Variants in ADCK1 observed in about 807,000 individuals in gnomAD.
The protein encoded by ADCK1 is aarF domain-containing protein kinase 1.
Under a neutral mutation model 52.3 loss-of-function variants are expected in ADCK1, and 41 were observed. That is an observed-to-expected ratio of 0.78 (90% CI 0.61 to 1.02). The LOEUF (loss-of-function observed/expected upper bound fraction) is 1.02, where lower values mean the gene tolerates loss of function less well. Ranked by LOEUF, ADCK1 falls within the 50% of genes least tolerant of loss-of-function variation. The pLI, the probability that ADCK1 is intolerant of heterozygous loss-of-function variation, is 0.00. For synonymous variants in ADCK1, 250 were observed against 274.6 expected (o/e 0.91, Z 0.89); for missense variants, 658 against 679.5 (o/e 0.97, Z 0.35).
At chr14:77,929,499 C>T (rs1038106541) in intron 9 of ADCK1, among the ~76,000 whole-genome samples, 2 of 152,208 alleles carry the variant, frequency 1.3e-5, no homozygotes, top group Non-Finnish European at 2.9e-5. Flanking sequence ...ACAGCTTCCT[C>T]TTGCCTCATT....
intron 8 of ADCK1, 103 bp downstream of exon 8, chr14:77,924,709 G>A (rs561322145): frequency 1.4e-6 from 2 of 1,459,006 alleles, no homozygotes; most frequent in African/African-American, 1.4e-5. Context: ...GAGGGTAGCT[G>A]GAAAGGACCC....
At chr14:77,846,460 G>C (rs1044139314) in intron 3 of ADCK1, among the ~76,000 whole-genome samples, 1 of 152,172 alleles carries the variant, frequency 6.6e-6, no homozygotes, top group Non-Finnish European at 1.5e-5. Context: ...GCCAGGCCTG[G>C]TGTGATGGGG....
rs569041671 is a variant in ADCK1, at chr14:77,805,324, C to T, written c.-12+5154C>T. Among the ~76,000 whole-genome samples, 5 of 125,678 alleles carry T rather than the reference C, an allele frequency of 4.0e-5. No individual in the cohort carries two copies. The East Asian group carries it at 7.5e-4, about 19-fold the overall frequency. The allele number at this position is 125,678 out of a possible 152,430, so 82.4% of individuals were successfully genotyped here. On this transcript the variant is annotated intron_variant, in intron 1 of 10. Transcript: ENST00000238561. ...TTGCCCAGGCTGGAGTGTAGTGGCACGATCTTGGCTCACCGCAACCTCCGC... is the reference window on the plus strand; with the variant it reads ...TTGCCCAGGCTGGAGTGTAGTGGCATGATCTTGGCTCACCGCAACCTCCGC...
chr14:77,887,044 G>C, intron 4 of ADCK1, 47 bp from the exon 5 acceptor site: 1 of 1,500,882 alleles, frequency 6.7e-7, no homozygotes, highest in South Asian at 1.4e-5. Flanking sequence ...CCCTCTCACT[G>C]AACTGGGTCA....
intron 5 of ADCK1, among the ~76,000 whole-genome samples, chr14:77,898,720 T>C (rs8018963): frequency 0.57 from 86,745 of 151,958 alleles, 24,892 homozygotes; most frequent in Admixed American, 0.62. Context: ...GATGGGTTGA[T>C]AGGTGCAGTA....
chr14:77,921,958 C>T (rs2140288505), intron 7 of ADCK1, among the ~76,000 whole-genome samples: 1 of 152,340 alleles, frequency 6.6e-6, no homozygotes, highest in East Asian at 1.9e-4. Flanking sequence ...AATGTCATTT[C>T]TCTCATTTTT....
intron 3 of ADCK1, among the ~76,000 whole-genome samples, chr14:77,844,530 C>T (rs2082137783): frequency 6.6e-6 from 1 of 152,118 alleles, no homozygotes; most frequent in African/African-American, 2.4e-5. Context: ...TGTTGGACTC[C>T]CTTAGAGAGG....
intron 1 of ADCK1, among the ~76,000 whole-genome samples, chr14:77,816,152 A>T (rs766443442): frequency 1.6e-4 from 24 of 152,094 alleles, no homozygotes; most frequent in Non-Finnish European, 3.1e-4. Flanking sequence ...ATATTTTTTC[A>T]GGTGTTCCTC....
intron 5 of ADCK1, among the ~76,000 whole-genome samples, chr14:77,895,710 G>A (rs2083393903): frequency 6.6e-6 from 1 of 152,194 alleles, no homozygotes; most frequent in East Asian, 1.9e-4. Context: ...CTTCAGCCAA[G>A]AAAAGTCTAA....
intron 3 of ADCK1, among the ~76,000 whole-genome samples, chr14:77,852,306 A>G (rs1002572769): frequency 6.6e-6 from 1 of 151,972 alleles, no homozygotes; most frequent in Non-Finnish European, 1.5e-5. Context: ...CAGTTCTTTA[A>G]CATCTCTTGT....
intron 3 of ADCK1, among the ~76,000 whole-genome samples, chr14:77,837,583 G>A (rs1258354596): frequency 6.6e-6 from 1 of 152,226 alleles, no homozygotes; most frequent in African/African-American, 2.4e-5. Flanking sequence ...AATGCCAAAT[G>A]GTGCAGCTCC....
chr14:77,844,877 C>G (rs759104137), intron 3 of ADCK1, among the ~76,000 whole-genome samples: 1 of 152,228 alleles, frequency 6.6e-6, no homozygotes, highest in African/African-American at 2.4e-5. Flanking sequence ...TAGTGGTTGT[C>G]TGAGTGCAGG....
At chr14:77,808,807 C>A (rs1393545220) in intron 1 of ADCK1, among the ~76,000 whole-genome samples, 1 of 152,158 alleles carries the variant, frequency 6.6e-6, no homozygotes, top group South Asian at 2.1e-4. Context: ...AACTCCTGAC[C>A]TCAGGTGATC....
intron 10 of ADCK1, among the ~76,000 whole-genome samples, chr14:77,932,196 C>T (rs1460553778): frequency 1.3e-5 from 2 of 152,070 alleles, no homozygotes; most frequent in Non-Finnish European, 2.9e-5. Context: ...TTACAGGCAC[C>T]CACCACCATA....
At chr14:77,911,176 A>C (rs2083782667) in intron 7 of ADCK1, among the ~76,000 whole-genome samples, 1 of 152,202 alleles carries the variant, frequency 6.6e-6, no homozygotes, top group Non-Finnish European at 1.5e-5. Flanking sequence ...ACAGATGAGA[A>C]AGCAAATGCT....
chr14:77,861,438 C>T (rs1594958065), intron 4 of ADCK1, among the ~76,000 whole-genome samples: 1 of 151,804 alleles, frequency 6.6e-6, no homozygotes, highest in Admixed American at 6.6e-5. Flanking sequence ...TAATGTCACT[C>T]ACTTGGCATT....
chr14:77,855,114 C>G (rs1224380753), intron 3 of ADCK1, among the ~76,000 whole-genome samples: 3 of 152,258 alleles, frequency 2.0e-5, no homozygotes, highest in African/African-American at 7.2e-5. Context: ...GCCTTTGACT[C>G]TGGTGCTTCT....
intron 4 of ADCK1, among the ~76,000 whole-genome samples, chr14:77,861,425 G>T (rs1318034171): frequency 6.6e-6 from 1 of 151,996 alleles, no homozygotes; most frequent in African/African-American, 2.4e-5. Flanking sequence ...TGTGAGGGCG[G>T]GGTAATGTCA....
At chr14:77,913,458 A>G (rs1437991039) in intron 7 of ADCK1, among the ~76,000 whole-genome samples, 1 of 152,176 alleles carries the variant, frequency 6.6e-6, no homozygotes, top group African/African-American at 2.4e-5. Context: ...GATATTACCA[A>G]GGGCCTGACC....
Sources: gnomAD v4.1 joint callset for allele counts (sites outside exome capture counted in the v4.1 genomes callset) on GRCh38, gnomAD v4.1.1 for gene constraint, MANE v1.5 for transcripts, NCBI Gene and HGNC (gene_info 2026-07-23, HGNC 2026-07-21) for gene names.